The following CCDC30 variants were observed in gnomAD, a reference collection of about 807,000 sequenced individuals.
The protein encoded by CCDC30 is coiled-coil domain-containing protein 30.
CCDC30 carries 70 observed loss-of-function variants against 100.2 expected under a neutral mutation model. The ratio of observed to expected loss-of-function variants is 0.70; its 90% CI spans 0.58 to 0.85. The LOEUF is 0.85. Ranked by LOEUF, CCDC30 falls within the 40% of genes least tolerant of loss-of-function variation. The pLI is 0.00. For missense variants in CCDC30, 652 were observed against 771.2 expected, an observed-to-expected ratio of 0.85 and a Z score of 1.83; for synonymous variants, 233 against 269.5, an observed-to-expected ratio of 0.86 and a Z score of 1.33.
chr1:42,597,977 G>A (rs1003073958), intron 10 of CCDC30, among the ~76,000 whole-genome samples: 1 of 151,478 alleles, frequency 6.6e-6, no homozygotes, highest in Non-Finnish European at 1.5e-5. Context: ...GAGCAACATA[G>A]TGAGACTCCA....
intron 11 of CCDC30, among the ~76,000 whole-genome samples, chr1:42,625,543 G>A (rs1026875980): frequency 4.6e-5 from 7 of 151,576 alleles, no homozygotes; most frequent in Non-Finnish European, 1.0e-4. Context: ...CATAGGTTTT[G>A]GTATGTTGTG....
chr1:42,541,653 A>C (rs1199642778), intron 6 of CCDC30, among the ~76,000 whole-genome samples: 2 of 152,230 alleles, frequency 1.3e-5, no homozygotes, highest in African/African-American at 4.8e-5. Context: ...TTTGCAATAG[A>C]TACATATCTT....
chr1:42,552,877 C>G (rs148576095), intron 6 of CCDC30, among the ~76,000 whole-genome samples: 2 of 152,196 alleles, frequency 1.3e-5, no homozygotes, highest in African/African-American at 2.4e-5. Context: ...GGTTGGAATT[C>G]TAAACTCACC....
chr1:42,516,086 A>C (rs142990909), intron 6 of CCDC30, among the ~76,000 whole-genome samples: 278 of 152,282 alleles, frequency 1.8e-3, no homozygotes, highest in African/African-American at 6.4e-3. Flanking sequence ...ATGATATGGA[A>C]ATTCTGTGTC....
intron 11 of CCDC30, among the ~76,000 whole-genome samples, chr1:42,635,990 A>G (rs570644453): frequency 6.5e-4 from 99 of 152,286 alleles, no homozygotes; most frequent in African/African-American, 2.3e-3. Flanking sequence ...GTGCGTGTGA[A>G]GCAGTATCTC....
At chr1:42,579,394 G>C (rs1229864901) in intron 8 of CCDC30, among the ~76,000 whole-genome samples, 2 of 151,890 alleles carry the variant, frequency 1.3e-5, no homozygotes, top group African/African-American at 4.8e-5. Context: ...AGCACTTTGG[G>C]AGGCCAAGGT....
intron 6 of CCDC30, among the ~76,000 whole-genome samples, chr1:42,540,650 TACAC>T (rs201629692): frequency 1.3e-5 from 2 of 148,200 alleles, no homozygotes; most frequent in Non-Finnish European, 3.0e-5. Context: ...TCTTTCCCTC[TACAC>T]ACACACACAC....
downstream of CCDC30, among the ~76,000 whole-genome samples, chr1:42,655,914 C>T (rs1210875628): frequency 7.9e-6 from 1 of 126,078 alleles, no homozygotes; most frequent in Non-Finnish European, 1.6e-5. Context: ...CACTTTGTAA[C>T]CCAGGCTGGA....
chr1:42,460,061 G>C (rs1355158625), upstream of CCDC30: 2 of 1,408,844 alleles, frequency 1.4e-6, no homozygotes, highest in Non-Finnish European at 1.8e-6. Flanking sequence ...AGGCAAATAT[G>C]GTTTGGCATT....
intron 6 of CCDC30, among the ~76,000 whole-genome samples, chr1:42,530,329 TTTA>T (rs1270257438): frequency 6.6e-6 from 1 of 152,236 alleles, no homozygotes; most frequent in Admixed American, 6.5e-5. Context: ...ACAGTATATT[TTTA>T]TTATTATTGT....
At chr1:42,556,343 AT>A (rs765697919) in intron 6 of CCDC30, 2 of 1,614,130 alleles carry the variant, frequency 1.2e-6, no homozygotes, top group Middle Eastern at 1.6e-4. Flanking sequence ...GCTGAGCCAT[AT>A]AAATCAGAGC....
At chr1:42,576,148 T>G (rs1211863934) in intron 7 of CCDC30, among the ~76,000 whole-genome samples, 2 of 152,212 alleles carry the variant, frequency 1.3e-5, no homozygotes, top group Admixed American at 6.5e-5. Flanking sequence ...AAAAGAAAAT[T>G]TGGCCACAGC....
intron 1 of CCDC30, among the ~76,000 whole-genome samples, chr1:42,473,980 G>C (rs916674826): frequency 6.9e-6 from 1 of 144,344 alleles, no homozygotes; most frequent in Non-Finnish European, 1.5e-5. Flanking sequence ...TTTTTTTTTT[G>C]GCCCTATTGT....
chr1:42,614,958 G>T (rs1480556115), intron 11 of CCDC30, among the ~76,000 whole-genome samples: 1 of 152,092 alleles, frequency 6.6e-6, no homozygotes, highest in Non-Finnish European at 1.5e-5. Flanking sequence ...ACATGTAATG[G>T]TAACCATAAT....
At chr1:42,494,657 A>C (rs9661817) in intron 4 of CCDC30, among the ~76,000 whole-genome samples, 33,144 of 147,128 alleles carry the variant, frequency 0.23, 3,937 homozygotes, top group South Asian at 0.42. Context: ...ACAAATTTAC[A>C]AGAAAAAAAC....
At chr1:42,642,802 G>T (rs1647570212) in intron 13 of CCDC30, among the ~76,000 whole-genome samples, 193 bp downstream of exon 17, 1 of 152,222 alleles carries the variant, frequency 6.6e-6, no homozygotes, top group Admixed American at 6.5e-5. Context: ...TCATGGAGGA[G>T]GCTGGTTGGC....
At chr1:42,546,385 C>CAAA (rs1159008864) in intron 6 of CCDC30, among the ~76,000 whole-genome samples, 2 of 5,016 alleles carry the variant, frequency 4.0e-4, no homozygotes, top group African/African-American at 1.2e-3. Flanking sequence ...AATTCTGTCT[C>CAAA]AAAAAAAAAA....
intron 10 of CCDC30, among the ~76,000 whole-genome samples, chr1:42,609,400 A>T (rs1424938728): frequency 6.6e-6 from 1 of 152,218 alleles, no homozygotes; most frequent in Non-Finnish European, 1.5e-5. Flanking sequence ...TCTAGTTAAC[A>T]GTAGGCTATT....
In CCDC30 at chr1:42,634,868, A is replaced by T. The variant is rs116774366; in HGVS notation, c.1278-2369A>T. ...TATCCCCAGTTCCCTTCCCACCACC[A>T]GACTAGGCAACCACTAATCTACTTT... On this transcript the variant is annotated intron_variant, in intron 11 of 16. Coordinates refer to ENST00000668663, the Ensembl canonical transcript of CCDC30. Among the ~76,000 whole-genome samples the T allele has an allele frequency of 5.9e-3, 900 of 152,280 alleles. 3 individuals are homozygous for T. The highest frequency in any genetic ancestry group is 0.019 in the Admixed American group (287 of 15,292).
Sources: allele counts gnomAD v4.1 joint callset (sites outside exome capture counted in the v4.1 genomes callset), GRCh38; gene constraint gnomAD v4.1.1; transcripts MANE v1.5; gene names NCBI Gene and HGNC (gene_info 2026-07-23, HGNC 2026-07-21).